The following MRPL35 variants were observed in gnomAD, a reference collection of about 807,000 sequenced individuals.
The protein encoded by MRPL35 is mitochondrial ribosomal protein L35.
A neutral mutation model predicts 21.6 loss-of-function variants in MRPL35; 18 were observed. The ratio of observed to expected loss-of-function variants is 0.83; its 90% CI spans 0.58 to 1.24. MRPL35 has a LOEUF of 1.24. Ranked by LOEUF, MRPL35 falls within the 50% of genes most tolerant of loss-of-function variation. The pLI is 0.00. For synonymous variants in MRPL35, 87 were observed against 86.9 expected, an observed-to-expected ratio of 1.00 and a Z score of -0.01; for missense variants, 223 against 223.2, an observed-to-expected ratio of 1.00 and a Z score of 0.01.
chr2:86,209,270 C>T (rs1006315852), intron 3 of MRPL35, among the ~76,000 whole-genome samples: 1 of 152,180 alleles, frequency 6.6e-6, no homozygotes, highest in African/African-American at 2.4e-5. Context: ...TTGATGGTCA[C>T]AGTGATGATA....
At chr2:86,209,049 A>G (rs1673854037) in intron 3 of MRPL35, among the ~76,000 whole-genome samples, 1 of 152,172 alleles carries the variant, frequency 6.6e-6, no homozygotes, top group African/African-American at 2.4e-5. Flanking sequence ...GGTAATGAGC[A>G]GGGCAATAAA....
Position 86,210,861 on chromosome 2 carries a change from A to C in MRPL35, c.*193A>C, listed in dbSNP as rs902663654. On this transcript the variant is annotated 3_prime_UTR_variant, in exon 4 of 4. Transcript: ENST00000337109. ...TGCCAGATTTGGTTAGGGAAACAGA[A>C]ATTTAGAATGGTGCATTATTTTTAA... The C allele has an allele frequency of 2.4e-6, 3 of 1,269,326 alleles. No homozygotes were observed. The highest frequency in any genetic ancestry group is 3.0e-6 in the Non-Finnish European group (3 of 1,006,988). The allele number at this position is 1,269,326 out of a possible 1,614,324, so 78.6% of individuals were successfully genotyped here.
At chr2:86,204,961 G>A (rs1413095336) in intron 1 of MRPL35, among the ~76,000 whole-genome samples, 11 of 152,156 alleles carry the variant, frequency 7.2e-5, no homozygotes, top group Non-Finnish European at 8.8e-5. Context: ...TTCTGAGGCC[G>A]GGCACGGTGG....
intron 1 of MRPL35, among the ~76,000 whole-genome samples, chr2:86,204,446 A>G (rs1174881495): frequency 1.0e-5 from 1 of 98,798 alleles, no homozygotes; most frequent in Admixed American, 9.4e-5. Flanking sequence ...GTCTTGTATT[A>G]GTGCATTTTT....
At chr2:86,208,955 T>C (rs1673853183) in intron 3 of MRPL35, among the ~76,000 whole-genome samples, 1 of 152,240 alleles carries the variant, frequency 6.6e-6, no homozygotes, top group Admixed American at 6.5e-5. Context: ...CCTCCTTCCA[T>C]TTTTGAATCT....
chr2:86,202,646 A>G (rs1194209643), intron 1 of MRPL35, among the ~76,000 whole-genome samples: 1 of 152,054 alleles, frequency 6.6e-6, no homozygotes, highest in Non-Finnish European at 1.5e-5. Flanking sequence ...GGGCTCTCTC[A>G]TCAGTTTTCT....
intron 3 of MRPL35, among the ~76,000 whole-genome samples, chr2:86,208,879 G>C (rs780781462): frequency 1.3e-5 from 2 of 152,118 alleles, no homozygotes; most frequent in Non-Finnish European, 2.9e-5. Context: ...TCAAACTAAT[G>C]TGTAAAACAA....
At position 86,213,053 on chromosome 2, in the gene MRPL35, C is replaced by T; in HGVS notation, c.*2385C>T. 1.1e-6 allele frequency: 1 copy of T among 928,044 alleles called. No individual in the cohort carries two copies. The highest frequency in any genetic ancestry group is 1.3e-6 in the Non-Finnish European group (1 of 777,708). The allele number at this position is 928,044 out of a possible 1,614,324, so 57.5% of individuals were successfully genotyped here. A position where few individuals can be genotyped will look rare whatever the true frequency, so the allele number is the denominator to read the frequency against. ...TAATTTAGATTTGAGGAAACTGAAG[C>T]TGAGAGAGGGTTAAGTAAATTACCC... On this transcript the variant is annotated 3_prime_UTR_variant, in exon 4 of 4. Coordinates refer to ENST00000337109, the MANE Select transcript of MRPL35 (RefSeq NM_016622.4).
At chr2:86,205,851 A>C (rs1673778177) in intron 1 of MRPL35, among the ~76,000 whole-genome samples, 2 of 152,258 alleles carry the variant, frequency 1.3e-5, no homozygotes, top group Non-Finnish European at 1.5e-5. Context: ...ACATAGAGCT[A>C]GCAGACATCC....
At chr2:86,210,312 C>T (rs1406345968) in intron 3 of MRPL35, among the ~76,000 whole-genome samples, 168 bp from the exon 4 acceptor site, 3 of 149,404 alleles carry the variant, frequency 2.0e-5, no homozygotes, top group Admixed American at 1.4e-4. Context: ...CCCTCCCCGC[C>T]ACCCTCCCTT....
intron 1 of MRPL35, among the ~76,000 whole-genome samples, chr2:86,205,853 C>G (rs1673778217): frequency 6.6e-6 from 1 of 152,176 alleles, no homozygotes. Flanking sequence ...ATAGAGCTAG[C>G]AGACATCCGA....
chr2:86,213,134 T>C lies in MRPL35; in HGVS notation c.*2466T>C, dbSNP rs889849445. On this transcript the variant is annotated 3_prime_UTR_variant, in exon 4 of 4. Coordinates refer to ENST00000337109, the MANE Select transcript of MRPL35 (RefSeq NM_016622.4). ...GTCTCACTCCTTGGGATCCTGTGTA[T>C]TTCCCTGAGTCTTCTAACATATGAA... 49 of 986,140 alleles carry C rather than the reference T, an allele frequency of 5.0e-5. No individual in the cohort carries two copies. The highest frequency in any genetic ancestry group is 5.8e-5 in the Non-Finnish European group (48 of 830,512). The allele number at this position is 986,140 out of a possible 1,614,324, so 61.1% of individuals were successfully genotyped here.
chr2:86,206,374 C>A, intron 2 of MRPL35, 79 bp downstream of exon 2: 1 of 1,383,636 alleles, frequency 7.2e-7, no homozygotes, highest in Non-Finnish European at 9.9e-7. Context: ...ACTCTGTTGC[C>A]CAGGCCAGAG....
At chr2:86,203,786 G>A (rs528015511) in intron 1 of MRPL35, among the ~76,000 whole-genome samples, 46 of 152,188 alleles carry the variant, frequency 3.0e-4, no homozygotes, top group South Asian at 2.5e-3. Context: ...GGAAACTGGG[G>A]CACAGAGAGG....
At position 86,211,420 on chromosome 2, in the gene MRPL35, G is replaced by A. The variant is rs79849456; in HGVS notation, c.*752G>A. On this transcript the variant is annotated 3_prime_UTR_variant, in exon 4 of 4. Coordinates refer to ENST00000337109, the MANE Select transcript of MRPL35 (RefSeq NM_016622.4). ...TTGGCTGTCCTTAAGTCAGGAGCCC[G>A]CTTTGTATTAGCAGGTTTGCATGCA... is the stretch of plus-strand genomic sequence containing the variant. 1.1e-3 allele frequency: 1,072 copies of A among 985,372 alleles called. 17 individuals are homozygous for A. The African/African-American group carries it at 0.017, about 15-fold the overall frequency. 61.0% of individuals were successfully genotyped at this position (985,372 alleles called of 1,614,324 possible).
At position 86,212,776 on chromosome 2, in the gene MRPL35, G is replaced by T; in HGVS notation, c.*2108G>T. 1 of 1,093,358 alleles carries T rather than the reference G, an allele frequency of 9.1e-7. No individual in the cohort carries two copies. The highest frequency in any genetic ancestry group is 1.1e-6 in the Non-Finnish European group (1 of 900,366). 67.7% of individuals were successfully genotyped at this position (1,093,358 alleles called of 1,614,324 possible). ...CATACGATTTTTGTTTTGTGGGTAGGAGGGCTTATCATCAACACTGATTTT... is the reference window on the plus strand; with the variant it reads ...CATACGATTTTTGTTTTGTGGGTAGTAGGGCTTATCATCAACACTGATTTT... On this transcript the variant is annotated 3_prime_UTR_variant, in exon 4 of 4. Coordinates refer to ENST00000337109, the MANE Select transcript of MRPL35 (RefSeq NM_016622.4).
At chr2:86,210,239 A>AT (rs553657566) in intron 3 of MRPL35, among the ~76,000 whole-genome samples, 27 of 152,014 alleles carry the variant, frequency 1.8e-4, no homozygotes, top group Non-Finnish European at 2.5e-4. Context: ...AATTTAAATA[A>AT]TTTTTTTCTA....
intron 1 of MRPL35, among the ~76,000 whole-genome samples, chr2:86,200,344 T>C (rs776047926): frequency 6.6e-6 from 1 of 152,174 alleles, no homozygotes. Flanking sequence ...TTATATAGTA[T>C]GCATGAATGA....
rs377489475 is a variant in MRPL35 at position 86,212,430 on chromosome 2, C to T, written c.*1762C>T. On this transcript the variant is annotated 3_prime_UTR_variant, in exon 4 of 4. Transcript: ENST00000337109. ...TCATTTCTTCGCACTTCTGAGACGG[C>T]AAAGCCAACCACTTAGAAGCCTTCC... 2.4e-5 allele frequency: 38 copies of T among 1,613,888 alleles called. No individual in the cohort carries two copies. The African/African-American group carries it at 5.1e-4, about 22-fold the overall frequency.
Sources: allele counts gnomAD v4.1 joint callset (sites outside exome capture counted in the v4.1 genomes callset), GRCh38; gene constraint gnomAD v4.1.1; transcripts MANE v1.5; gene names NCBI Gene and HGNC (gene_info 2026-07-23, HGNC 2026-07-21).